The following RHOBTB1 variants were observed in gnomAD, a reference collection of about 807,000 sequenced individuals.
The protein encoded by RHOBTB1 is Rho related BTB domain containing 1, also known as rho-related BTB domain-containing protein 1.
RHOBTB1 carries 40 observed loss-of-function variants against 71.6 expected under a neutral mutation model. The observed-to-expected ratio is 0.56, with a 90% CI of 0.43 to 0.73. The LOEUF (loss-of-function observed/expected upper bound fraction) is 0.73, where lower values mean the gene tolerates loss of function less well. Among genes scored for constraint, RHOBTB1 ranks in the 30% least tolerant of loss-of-function variants. The pLI is 0.00. For missense variants in RHOBTB1, 797 were observed against 894.0 expected, an observed-to-expected ratio of 0.89 and a Z score of 1.38; for synonymous variants, 319 against 334.9, an observed-to-expected ratio of 0.95 and a Z score of 0.52.
chr10:60,926,863 C>T (rs1045092851), intron 2 of RHOBTB1, among the ~76,000 whole-genome samples: 2 of 152,096 alleles, frequency 1.3e-5, no homozygotes, highest in African/African-American at 4.8e-5. Flanking sequence ...CAACATAATA[C>T]TAGAAATTCT....
intron 2 of RHOBTB1, among the ~76,000 whole-genome samples, chr10:60,980,680 C>G (rs1212438311): frequency 6.6e-6 from 1 of 151,940 alleles, no homozygotes; most frequent in East Asian, 1.9e-4. Flanking sequence ...GTGGGGTCTT[C>G]TCTGGGGAAT....
intron 1 of RHOBTB1, among the ~76,000 whole-genome samples, chr10:60,943,612 C>T (rs2085044850): frequency 6.6e-6 from 1 of 152,230 alleles, no homozygotes; most frequent in Admixed American, 6.5e-5. Flanking sequence ...CCTCCCCATA[C>T]TGGCCTTCGA....
chr10:60,948,464 G>C (rs1375415766), upstream of RHOBTB1, among the ~76,000 whole-genome samples: 1 of 151,610 alleles, frequency 6.6e-6, no homozygotes, highest in Non-Finnish European at 1.5e-5. Context: ...CCTTGTGACA[G>C]GTGCAGATGC....
intron 2 of RHOBTB1, among the ~76,000 whole-genome samples, chr10:60,941,223 A>C (rs76526069): frequency 6.6e-6 from 1 of 152,134 alleles, no homozygotes; most frequent in African/African-American, 2.4e-5. Context: ...AAAACTTTTT[A>C]AAAAATCCTA....
At chr10:60,897,362 T>C (rs567040515) in intron 4 of RHOBTB1, among the ~76,000 whole-genome samples, 1 of 152,358 alleles carries the variant, frequency 6.6e-6, no homozygotes, top group African/African-American at 2.4e-5. Flanking sequence ...GTTAAATGAA[T>C]TTTCTTCTAA....
chr10:60,965,476 T>G (rs2085926138), intron 2 of RHOBTB1, among the ~76,000 whole-genome samples: 1 of 152,130 alleles, frequency 6.6e-6, no homozygotes, highest in Non-Finnish European at 1.5e-5. Context: ...GGTATCATGA[T>G]TCTTCCCTAT....
At chr10:60,980,860 A>T (rs560676401) in intron 2 of RHOBTB1, among the ~76,000 whole-genome samples, 42 of 152,328 alleles carry the variant, frequency 2.8e-4, no homozygotes, top group Non-Finnish European at 5.4e-4. Flanking sequence ...GTCAAATTTC[A>T]TAGTAGGAAT....
At chr10:60,922,951 C>T (rs2083655941) in intron 2 of RHOBTB1, among the ~76,000 whole-genome samples, 1 of 152,158 alleles carries the variant, frequency 6.6e-6, no homozygotes, top group Admixed American at 6.5e-5. Flanking sequence ...TGGTCACATT[C>T]CTCACTGTTG....
intron 2 of RHOBTB1, among the ~76,000 whole-genome samples, chr10:60,935,027 C>T (rs770187275): frequency 7.8e-4 from 119 of 152,272 alleles, no homozygotes; most frequent in Middle Eastern, 6.8e-3. Context: ...TTGCATACTG[C>T]TATCTGTACA....
chr10:60,877,454 C>T lies in RHOBTB1; in HGVS notation c.1726+454G>A, dbSNP rs548991927. Among the ~76,000 whole-genome samples the T allele has an allele frequency of 2.0e-5, 3 of 152,272 alleles. No individual in the cohort carries two copies. The East Asian group carries it at 5.8e-4, about 29-fold the overall frequency. On this transcript the variant is annotated intron_variant, in intron 8 of 10. Transcript: ENST00000337910. ...GAGCTAAGGTTACAGGACAAAGTCA[C>T]CTGGTCAGTAAATGGTGGAGTCAGG...
chr10:60,954,940 G>A (rs2085533403), intron 2 of RHOBTB1, among the ~76,000 whole-genome samples: 1 of 151,690 alleles, frequency 6.6e-6, no homozygotes, highest in Admixed American at 6.6e-5. Context: ...GGTTCTCAGG[G>A]CATTTATATG....
At chr10:60,987,239 T>C (rs2086696538) in intron 1 of RHOBTB1, among the ~76,000 whole-genome samples, 1 of 152,204 alleles carries the variant, frequency 6.6e-6, no homozygotes, top group Non-Finnish European at 1.5e-5. Flanking sequence ...TGAATTTTCT[T>C]CTTCTGGCTT....
At chr10:60,991,244 C>T (rs1224388034) in intron 1 of RHOBTB1, among the ~76,000 whole-genome samples, 2 of 152,068 alleles carry the variant, frequency 1.3e-5, no homozygotes, top group Non-Finnish European at 2.9e-5. Flanking sequence ...AACTACAGCA[C>T]TCCCCACACC....
At chr10:60,873,366 G>A (rs571668425) in intron 9 of RHOBTB1, among the ~76,000 whole-genome samples, 1 of 152,258 alleles carries the variant, frequency 6.6e-6, no homozygotes, top group South Asian at 2.1e-4. Flanking sequence ...AACAGATTGG[G>A]GTCCCACTTG....
chr10:60,897,462 C>G (rs1427997219), intron 4 of RHOBTB1, among the ~76,000 whole-genome samples: 8 of 152,140 alleles, frequency 5.3e-5, no homozygotes, highest in African/African-American at 1.9e-4. Context: ...AGCTGAGGAG[C>G]TGTGGGCCTT....
Position 60,871,324 on chromosome 10 carries a change from T to G in RHOBTB1, c.*158A>C, listed in dbSNP as rs938449870. 9.0e-6 allele frequency: 6 copies of G among 670,020 alleles called. No individual in the cohort carries two copies. Among genetic ancestry groups the G allele is most frequent in the Non-Finnish European group, 1.5e-5 (6 of 408,082 alleles). 41.5% of individuals were successfully genotyped at this position (670,020 alleles called of 1,614,324 possible). ...CATTGATGGTGAGCTTGTGCTTTGA[T>G]CCTAACAAAGATAAATGCACAAAAG... On this transcript the variant is annotated 3_prime_UTR_variant, in exon 11 of 11. Transcript: ENST00000337910.
At chr10:60,881,850 C>A (rs1010678143) in intron 7 of RHOBTB1, among the ~76,000 whole-genome samples, 1 of 152,140 alleles carries the variant, frequency 6.6e-6, no homozygotes, top group Non-Finnish European at 1.5e-5. Context: ...ACCCTCAATG[C>A]CCTCAAAGTG....
chr10:60,914,913 A>C (rs1023748714), intron 2 of RHOBTB1, among the ~76,000 whole-genome samples: 7 of 152,208 alleles, frequency 4.6e-5, no homozygotes, highest in African/African-American at 1.7e-4. Flanking sequence ...AAAAGGGATA[A>C]TATGTAAGGG....
the RHOBTB1 span, among the ~76,000 whole-genome samples, chr10:60,862,946 G>A: frequency 6.9e-6 from 1 of 144,266 alleles, no homozygotes; most frequent in Non-Finnish European, 1.5e-5. Flanking sequence ...GTCATATGGT[G>A]GGTGAAATAA....
Sources: gnomAD v4.1 joint callset for allele counts (sites outside exome capture counted in the v4.1 genomes callset) on GRCh38, gnomAD v4.1.1 for gene constraint, MANE v1.5 for transcripts, NCBI Gene and HGNC (gene_info 2026-07-23, HGNC 2026-07-21) for gene names.